The following LYRM7 variants were observed in gnomAD, a reference collection of about 807,000 sequenced individuals.
LYRM7 encodes the protein LYR motif containing 7.
A neutral mutation model predicts 15.8 loss-of-function variants in LYRM7; 9 were observed. The observed-to-expected ratio is 0.57, with a 90% CI of 0.34 to 0.99. LYRM7 has a LOEUF of 0.99. LYRM7 is among the 50% of genes least tolerant of loss of function. The probability of loss-of-function intolerance (pLI) is 0.02; values close to 1 mark genes in which losing one functional copy is unlikely to be tolerated. For missense variants in LYRM7, 115 were observed against 119.1 expected (o/e 0.97, Z 0.16); for synonymous variants, 39 against 39.4 (o/e 0.99, Z 0.04).
rs527901407 is a variant in LYRM7 at position 131,173,356 on chromosome 5, C to T, written c.18+2318C>T. On this transcript the variant is annotated intron_variant, in intron 1 of 4. Coordinates refer to ENST00000379380, the MANE Select transcript of LYRM7 (RefSeq NM_181705.4). ...CGACGAAGTGTATATTGCAGTAAAG[C>T]GAGTAATACAAGTTTTTTGGTCCCA... Among the ~76,000 whole-genome samples, 12 of 152,274 alleles carry T rather than the reference C, an allele frequency of 7.9e-5. No individual in the cohort carries two copies. The East Asian group carries it at 2.1e-3, about 27-fold the overall frequency.
intron 4 of LYRM7, among the ~76,000 whole-genome samples, chr5:131,190,234 C>G (rs977768776): frequency 1.3e-5 from 2 of 152,010 alleles, no homozygotes; most frequent in African/African-American, 4.8e-5. Context: ...CTTGCTCTGT[C>G]TCCTACGCTG....
In LYRM7 at chr5:131,175,685, C is replaced by T. The variant is rs150926565; in HGVS notation, c.19-4410C>T. Among the ~76,000 whole-genome samples the T allele has an allele frequency of 5.7e-3, 874 of 152,212 alleles. 5 individuals carry two copies. Among genetic ancestry groups the T allele is most frequent in the Non-Finnish European group, 8.9e-3 (608 of 68,014 alleles). On this transcript the variant is annotated intron_variant, in intron 1 of 4. Coordinates refer to ENST00000379380, the MANE Select transcript of LYRM7 (RefSeq NM_181705.4). ...GAGTAGCTAGGACTACAAGCACCCTCCACCACGCCTGGCTAATTTTTTTAT... is the reference window on the plus strand; with the variant it reads ...GAGTAGCTAGGACTACAAGCACCCTTCACCACGCCTGGCTAATTTTTTTAT...
chr5:131,199,475 G>A (rs1756022617), intron 4 of LYRM7, 56 bp from the exon 5 acceptor site: 1 of 1,203,848 alleles, frequency 8.3e-7, no homozygotes, highest in Non-Finnish European at 1.2e-6. Context: ...GAGTGTCCTT[G>A]CATTTAATTC....
At chr5:131,181,302 A>AAAAAAATATATATATATATAT (rs1554089865) in intron 2 of LYRM7, among the ~76,000 whole-genome samples, 1 of 8,766 alleles carries the variant, frequency 1.1e-4, no homozygotes, top group East Asian at 3.4e-3. Context: ...AAAAAAAAAA[A>AAAAAAATATATATATATATAT]ATATATATAT....
At chr5:131,178,915 T>C (rs1244229665) in intron 1 of LYRM7, among the ~76,000 whole-genome samples, 2 of 147,454 alleles carry the variant, frequency 1.4e-5, no homozygotes, top group South Asian at 2.1e-4. Flanking sequence ...TGAGCCGAGA[T>C]TGTGTCATTG....
Position 131,195,831 on chromosome 5 carries a change from ACTC to A in LYRM7, c.245-3697_245-3695del, listed in dbSNP as rs557736207. ...CTTAAGGCCACCCCTGGGCCCCTAA[ACTC>A]CTATCACCAGGAAGTAGACTATGAA... is the stretch of plus-strand genomic sequence containing the variant. On this transcript the variant is annotated intron_variant, in intron 4 of 4. Coordinates refer to ENST00000379380, the MANE Select transcript of LYRM7 (RefSeq NM_181705.4). 1.2e-3 allele frequency among the ~76,000 whole-genome samples: 186 copies of A among 152,158 alleles called. 1 individual carries two copies. The highest frequency in any genetic ancestry group is 4.3e-3 in the African/African-American group (178 of 41,510).
chr5:131,197,238 G>A (rs966481798), intron 4 of LYRM7, among the ~76,000 whole-genome samples: 11 of 152,284 alleles, frequency 7.2e-5, no homozygotes, highest in East Asian at 5.8e-4. Context: ...ATTTCTTGAT[G>A]TAATGTCTAG....
chr5:131,198,731 TG>T (rs1345451128), intron 4 of LYRM7, among the ~76,000 whole-genome samples: 32 of 148,744 alleles, frequency 2.2e-4, no homozygotes, highest in African/African-American at 8.2e-4. Flanking sequence ...CACACCCAGC[TG>T]ATTTTTTTTT....
At chr5:131,183,681 T>C (rs1224547216) in intron 3 of LYRM7, among the ~76,000 whole-genome samples, 1 of 152,166 alleles carries the variant, frequency 6.6e-6, no homozygotes, top group Non-Finnish European at 1.5e-5. Flanking sequence ...TGATACAGTC[T>C]TGGCACTAAA....
Position 131,199,584 on chromosome 5 carries a change from C to T in LYRM7, c.298C>T (p.Pro100Ser). ...AGAAAATGTGCCATATTGTGATGCA[C>T]CAACTCAGAAGCAATGAGTTTTCTA... The part of the protein sequence containing the change: ...LVENVPYCDA[P>S]TQKQ Residue 100 changes from proline to serine, a missense_variant, in exon 5 of 5, where the codon CCA becomes TCA. Coordinates refer to ENST00000379380, the MANE Select transcript of LYRM7 (RefSeq NM_181705.4). 1 of 1,604,090 alleles carries T rather than the reference C, an allele frequency of 6.2e-7. No individual in the cohort carries two copies. Among genetic ancestry groups the T allele is most frequent in the Non-Finnish European group, 8.5e-7 (1 of 1,175,228 alleles).
At chr5:131,190,105 G>A (rs1436398536) in intron 4 of LYRM7, among the ~76,000 whole-genome samples, 1 of 149,780 alleles carries the variant, frequency 6.7e-6, no homozygotes, top group Non-Finnish European at 1.5e-5. Flanking sequence ...CTGCACCTCA[G>A]CCTGGGTGAC....
At chr5:131,183,668 G>C (rs1196878295) in intron 3 of LYRM7, among the ~76,000 whole-genome samples, 1 of 151,948 alleles carries the variant, frequency 6.6e-6, no homozygotes, top group African/African-American at 2.4e-5. Context: ...GTTATTAGAG[G>C]GTTGATACAG....
At chr5:131,172,986 A>G (rs540691098) in intron 1 of LYRM7, among the ~76,000 whole-genome samples, 1 of 152,338 alleles carries the variant, frequency 6.6e-6, no homozygotes, top group East Asian at 1.9e-4. Context: ...CAATAGTGCT[A>G]TGGCAATAAT....
chr5:131,178,091 TG>T (rs1334742951), intron 1 of LYRM7, among the ~76,000 whole-genome samples: 1 of 152,204 alleles, frequency 6.6e-6, no homozygotes, highest in African/African-American at 2.4e-5. Flanking sequence ...TATGGCAGCT[TG>T]GTTTTTATTT....
rs1561544162 is a variant in LYRM7 at position 131,181,295 on chromosome 5, A to AT, written c.92-934_92-933insT. 1.2e-3 allele frequency among the ~76,000 whole-genome samples: 52 copies of AT among 42,782 alleles called. 2 individuals are homozygous for AT. The highest frequency in any genetic ancestry group is 7.9e-3 in the African/African-American group (51 of 6,480). The allele number at this position is 42,782 out of a possible 152,430, so 28.1% of individuals were successfully genotyped here. On this transcript the variant is annotated intron_variant, in intron 2 of 4. Coordinates refer to ENST00000379380, the MANE Select transcript of LYRM7 (RefSeq NM_181705.4). ...CATCTGAAAAAAAAAAAAAAAAAAAAAAAAAAAATATATATATATATACAC... is the reference window on the plus strand; with the variant it reads ...CATCTGAAAAAAAAAAAAAAAAAAAATAAAAAAAATATATATATATATACAC...
intron 4 of LYRM7, among the ~76,000 whole-genome samples, chr5:131,199,304 G>T (rs942196360): frequency 5.9e-5 from 9 of 152,034 alleles, no homozygotes; most frequent in Non-Finnish European, 1.2e-4. Context: ...ATGATAAAGG[G>T]TTAAGTGGAT....
intron 2 of LYRM7, among the ~76,000 whole-genome samples, chr5:131,180,731 A>C (rs990648636): frequency 1.1e-4 from 17 of 152,190 alleles, no homozygotes; most frequent in Non-Finnish European, 1.8e-4. Context: ...CCAGGGATTT[A>C]AGTTTTTGTA....
chr5:131,188,093 C>T (rs978491064), intron 4 of LYRM7, among the ~76,000 whole-genome samples: 1 of 151,722 alleles, frequency 6.6e-6, no homozygotes, highest in African/African-American at 2.4e-5. Context: ...CCCGCCTCTA[C>T]AAAAAATACA....
chr5:131,173,164 T>C (rs1012073571), intron 1 of LYRM7, among the ~76,000 whole-genome samples: 1 of 152,232 alleles, frequency 6.6e-6, no homozygotes, highest in African/African-American at 2.4e-5. Context: ...CCTGGGATTC[T>C]ACGATGCTTG....
Sources: allele counts gnomAD v4.1 joint callset (sites outside exome capture counted in the v4.1 genomes callset), GRCh38; gene constraint gnomAD v4.1.1; transcripts MANE v1.5; gene names NCBI Gene and HGNC (gene_info 2026-07-23, HGNC 2026-07-21).